The following UNC5C variants were observed in gnomAD, a reference collection of about 807,000 sequenced individuals.
UNC5C encodes netrin receptor UNC5C.
In UNC5C, 47 loss-of-function variants were observed where a neutral mutation model predicts 99.8. That is an observed-to-expected ratio of 0.47 (90% CI 0.37 to 0.60). The LOEUF is 0.60. Ranked by LOEUF, UNC5C falls within the 20% of genes least tolerant of loss-of-function variation. The probability of loss-of-function intolerance (pLI) is 0.00; values close to 1 mark genes in which losing one functional copy is unlikely to be tolerated. For missense variants in UNC5C, 1,062 were observed against 1,165.9 expected (o/e 0.91, Z 1.30); for synonymous variants, 487 against 452.2 (o/e 1.08, Z -0.98).
chr4:95,170,717 C>T (rs866591369), intron 14 of UNC5C, among the ~76,000 whole-genome samples: 8 of 152,272 alleles, frequency 5.3e-5, no homozygotes, highest in Middle Eastern at 6.8e-3. Flanking sequence ...TTCAAAAGGG[C>T]AGTGCTTTGG....
At chr4:95,356,983 A>G (rs1038899671) in intron 1 of UNC5C, among the ~76,000 whole-genome samples, 5 of 152,172 alleles carry the variant, frequency 3.3e-5, no homozygotes, top group Admixed American at 2.6e-4. Context: ...CCAGGCCAGT[A>G]TCAAAATTTC....
At position 95,392,430 on chromosome 4, in the gene UNC5C, ATTT is replaced by A. The variant is rs10608601; in HGVS notation, c.125-56802_125-56800del. Among the ~76,000 whole-genome samples, 726 of 109,056 alleles carry A rather than the reference ATTT, an allele frequency of 6.7e-3. 5 individuals are homozygous for A. Among genetic ancestry groups the A allele is most frequent in the African/African-American group, 0.015 (530 of 34,228 alleles). 71.5% of individuals were successfully genotyped at this position (109,056 alleles called of 152,430 possible). A position where few individuals can be genotyped will look rare whatever the true frequency, so the allele number is the denominator to read the frequency against. The stretch of plus-strand genomic sequence containing the variant: ...TTTTAAGAGTTTGAAGTATCAAAAC[ATTT>A]TTTTTTTTTTTAAAAAAAAAACAGG... On this transcript the variant is annotated intron_variant, in intron 1 of 15. Transcript: ENST00000453304.
chr4:95,448,918 C>G (rs1239284901), intron 1 of UNC5C, among the ~76,000 whole-genome samples: 1 of 152,092 alleles, frequency 6.6e-6, no homozygotes, highest in Non-Finnish European at 1.5e-5. Context: ...CTAGGTGCCC[C>G]TTTTCTTTGG....
chr4:95,417,220 C>T (rs1287376939), intron 1 of UNC5C, among the ~76,000 whole-genome samples: 3 of 152,150 alleles, frequency 2.0e-5, no homozygotes, highest in Middle Eastern at 3.2e-3. Context: ...TTCAATGGCA[C>T]ACCGGAAAAT....
intron 7 of UNC5C, among the ~76,000 whole-genome samples, chr4:95,240,217 T>G (rs1294134382): frequency 1.3e-5 from 2 of 152,220 alleles, no homozygotes; most frequent in Non-Finnish European, 2.9e-5. Context: ...AATACTGACC[T>G]TGTCCCTCTT....
intron 6 of UNC5C, 133 bp from the exon 7 acceptor site, chr4:95,242,726 CAATTGCTGGG>C: frequency 9.9e-7 from 1 of 1,009,920 alleles, no homozygotes; most frequent in Non-Finnish European, 1.4e-6. Flanking sequence ...GTATTCATTT[CAATTGCTGGG>C]AACTGCATGT....
chr4:95,421,345 G>C (rs886571082), intron 1 of UNC5C, among the ~76,000 whole-genome samples: 4 of 152,134 alleles, frequency 2.6e-5, no homozygotes, highest in African/African-American at 7.2e-5. Context: ...TAAGCCCACT[G>C]TTCTCTGGCC....
At chr4:95,230,025 G>A (rs905698144) in intron 7 of UNC5C, among the ~76,000 whole-genome samples, 4 of 151,738 alleles carry the variant, frequency 2.6e-5, no homozygotes, top group Non-Finnish European at 4.4e-5. Context: ...TGGCCAGGCT[G>A]GTCTCGAACT....
chr4:95,469,514 CA>C (rs1413681218), intron 1 of UNC5C, among the ~76,000 whole-genome samples: 2 of 152,026 alleles, frequency 1.3e-5, no homozygotes, highest in African/African-American at 4.8e-5. Flanking sequence ...ATGTATTTTG[CA>C]AAAAGTACAA....
chr4:95,273,438 C>G (rs1360371470), intron 4 of UNC5C, among the ~76,000 whole-genome samples: 1 of 152,132 alleles, frequency 6.6e-6, no homozygotes, highest in Non-Finnish European at 1.5e-5. Flanking sequence ...CTCCATGTGA[C>G]AGTAACATTT....
intron 3 of UNC5C, among the ~76,000 whole-genome samples, chr4:95,286,280 C>T (rs546719071): frequency 6.6e-6 from 1 of 152,110 alleles, no homozygotes; most frequent in South Asian, 2.1e-4. Flanking sequence ...CAGGTATTAC[C>T]CTGCTGTGCT....
At chr4:95,491,684 A>G (rs189030613) in intron 1 of UNC5C, among the ~76,000 whole-genome samples, 105 of 151,776 alleles carry the variant, frequency 6.9e-4, no homozygotes, top group African/African-American at 2.4e-3. Context: ...AAAATTATGA[A>G]GCAATAGTAA....
intron 11 of UNC5C, among the ~76,000 whole-genome samples, chr4:95,204,622 G>A (rs1402840101): frequency 2.0e-5 from 3 of 152,218 alleles, no homozygotes; most frequent in African/African-American, 4.8e-5. Context: ...TCAGGCAGGA[G>A]AAATCCACGC....
At chr4:95,420,579 C>G (rs1490633648) in intron 1 of UNC5C, among the ~76,000 whole-genome samples, 1 of 151,974 alleles carries the variant, frequency 6.6e-6, no homozygotes, top group East Asian at 1.9e-4. Context: ...CTCATTAGTC[C>G]ATTTGTTTTC....
chr4:95,381,429 A>C (rs569058345), intron 1 of UNC5C, among the ~76,000 whole-genome samples: 1 of 151,946 alleles, frequency 6.6e-6, no homozygotes, highest in East Asian at 1.9e-4. Context: ...AGGGGCAACA[A>C]CTCCTATTTG....
At chr4:95,517,138 C>T (rs1017026866) in intron 1 of UNC5C, among the ~76,000 whole-genome samples, 1 of 151,962 alleles carries the variant, frequency 6.6e-6, no homozygotes, top group African/African-American at 2.4e-5. Context: ...AATTGTAAAG[C>T]GAGATACAAA....
chr4:95,483,767 C>T (rs966320896), intron 1 of UNC5C, among the ~76,000 whole-genome samples: 1 of 151,716 alleles, frequency 6.6e-6, no homozygotes, highest in Non-Finnish European at 1.5e-5. Flanking sequence ...CAACCTGGAT[C>T]CCATTAAGCA....
intron 1 of UNC5C, among the ~76,000 whole-genome samples, chr4:95,400,778 C>G (rs1278268595): frequency 6.6e-6 from 1 of 152,166 alleles, no homozygotes; most frequent in Non-Finnish European, 1.5e-5. Flanking sequence ...GGTTGAGCCT[C>G]GAATGAGGAT....
At chr4:95,194,991 G>T (rs1371115005) in intron 12 of UNC5C, among the ~76,000 whole-genome samples, 1 of 152,138 alleles carries the variant, frequency 6.6e-6, no homozygotes, top group Non-Finnish European at 1.5e-5. Flanking sequence ...ATATCCCTGT[G>T]ACTAAATGTC....
Sources: gnomAD v4.1 joint callset for allele counts (sites outside exome capture counted in the v4.1 genomes callset) on GRCh38, gnomAD v4.1.1 for gene constraint, MANE v1.5 for transcripts, NCBI Gene and HGNC (gene_info 2026-07-23, HGNC 2026-07-21) for gene names.